RASEF: variants seen among roughly 807,000 people sequenced by gnomAD.
RASEF encodes the protein RAS and EF-hand domain containing.
A neutral mutation model predicts 90.1 loss-of-function variants in RASEF; 68 were observed. That is an observed-to-expected ratio of 0.75 (90% CI 0.62 to 0.92). The LOEUF (loss-of-function observed/expected upper bound fraction) is 0.92, where lower values mean the gene tolerates loss of function less well. Ranked by LOEUF, RASEF falls within the 40% of genes least tolerant of loss-of-function variation. The probability of loss-of-function intolerance (pLI) is 0.00; values close to 1 mark genes in which losing one functional copy is unlikely to be tolerated. For missense variants in RASEF, 949 were observed against 937.2 expected, an observed-to-expected ratio of 1.01 and a Z score of -0.16; for synonymous variants, 331 against 345.2, an observed-to-expected ratio of 0.96 and a Z score of 0.46.
Position 82,982,443 on chromosome 9 carries a change from G to T in RASEF, c.*234C>A. 2.9e-6 allele frequency: 1 copy of T among 340,620 alleles called. No homozygotes were observed. The highest frequency in any genetic ancestry group is 4.9e-5 in the East Asian group (1 of 20,242). The allele number at this position is 340,620 out of a possible 1,614,324, so 21.1% of individuals were successfully genotyped here. On this transcript the variant is annotated 3_prime_UTR_variant, in exon 17 of 17. Transcript: ENST00000376447. Reference sequence around the variant, plus strand: ...AAAACATTTACATGTTATCTTTTAAGACCTGTAAGGACATGACTAGTCTAT... The same window carrying T: ...AAAACATTTACATGTTATCTTTTAATACCTGTAAGGACATGACTAGTCTAT...
the RASEF span, among the ~76,000 whole-genome samples, chr9:83,072,499 T>C: frequency 6.6e-6 from 1 of 152,156 alleles, no homozygotes. Context: ...CAATAGGCCA[T>C]CTGCAAGCTG....
At chr9:83,049,529 CTTTTTTTT>C (rs10687615) in intron 1 of RASEF, among the ~76,000 whole-genome samples, 5 of 99,084 alleles carry the variant, frequency 5.0e-5, no homozygotes, top group Non-Finnish European at 7.4e-5. Context: ...TTCTGCCTTC[CTTTTTTTT>C]TTTTTTTTTT....
chr9:83,180,483 C>CTTTTTTTTTTT, the RASEF span, among the ~76,000 whole-genome samples: 1 of 146,888 alleles, frequency 6.8e-6, no homozygotes, highest in Non-Finnish European at 1.5e-5. Flanking sequence ...GTAAACATTA[C>CTTTTTTTTTTT]TTTTTTTTTT....
intron 3 of RASEF, among the ~76,000 whole-genome samples, chr9:83,017,868 C>T (rs1411862980): frequency 6.6e-6 from 1 of 152,122 alleles, no homozygotes; most frequent in African/African-American, 2.4e-5. Flanking sequence ...GGGCCTAGCT[C>T]AAGTGCAAGT....
At chr9:83,204,780 G>A in the RASEF span, among the ~76,000 whole-genome samples, 1 of 152,150 alleles carries the variant, frequency 6.6e-6, no homozygotes, top group Admixed American at 6.6e-5. Context: ...ACATGGGACT[G>A]TTTTACAAAA....
At position 82,991,784 on chromosome 9, in the gene RASEF, G is replaced by A. The variant is rs368001503; in HGVS notation, c.2040+1122C>T. Among the ~76,000 whole-genome samples, 12 of 152,326 alleles carry A rather than the reference G, an allele frequency of 7.9e-5. No homozygotes were observed. In the South Asian group the frequency reaches 1.5e-3, roughly 18 times the overall value. On this transcript the variant is annotated intron_variant, in intron 15 of 16. Coordinates refer to ENST00000376447, the MANE Select transcript of RASEF (RefSeq NM_152573.4). ...TAAGGAAGCAAACTTTGGGAACTCT[G>A]CGAAATCATGGAGAGGGAATAAAGC...
the RASEF span, among the ~76,000 whole-genome samples, chr9:83,122,071 A>T: frequency 6.6e-6 from 1 of 152,282 alleles, no homozygotes; most frequent in Admixed American, 6.5e-5. Context: ...TTAAAAACTT[A>T]TTATCAATTA....
At chr9:83,216,759 G>C in the RASEF span, among the ~76,000 whole-genome samples, 4 of 152,130 alleles carry the variant, frequency 2.6e-5, no homozygotes, top group Non-Finnish European at 5.9e-5. Flanking sequence ...TTAATTTCTA[G>C]ATACAATGGG....
the RASEF span, among the ~76,000 whole-genome samples, chr9:83,104,307 A>G: frequency 6.6e-6 from 1 of 152,186 alleles, no homozygotes; most frequent in African/African-American, 2.4e-5. Flanking sequence ...AACAAATAAG[A>G]ATCCTTAAAA....
chr9:83,004,521 G>C lies in RASEF; in HGVS notation c.1179C>G (p.Ser393=), dbSNP rs777055994. ...ACCTGTCATAGCCTAGAGGTTGAGG[G>C]GAATGACCAATGAATTTGGGACTGC... is the stretch of plus-strand genomic sequence containing the variant. ...SRSSPKFIGH[S]PQPLGYDRSS... The change falls in exon 9 of 17, where the codon TCC becomes TCG. Residue 393 remains serine, a synonymous_variant. Transcript: ENST00000376447. The C allele has an allele frequency of 6.2e-7, 1 of 1,602,114 alleles. No homozygotes were observed. The highest frequency in any genetic ancestry group is 8.6e-7 in the Non-Finnish European group (1 of 1,169,306).
intron 16 of RASEF, 23 bp from the exon 17 acceptor site, chr9:82,982,805 C>CAGAGAG (rs60689330): frequency 1.4e-4 from 128 of 917,142 alleles, no homozygotes; most frequent in African/African-American, 6.3e-4. Flanking sequence ...TAGAGAGAGA[C>CAGAGAG]AGAGAGAGAG....
chr9:83,166,555 A>G, the RASEF span, among the ~76,000 whole-genome samples: 1 of 152,182 alleles, frequency 6.6e-6, no homozygotes, highest in South Asian at 2.1e-4. Flanking sequence ...CGTAGAACCC[A>G]GACAGCCGGG....
the RASEF span, among the ~76,000 whole-genome samples, chr9:83,134,986 A>C: frequency 7.2e-5 from 11 of 152,136 alleles, no homozygotes; most frequent in Admixed American, 5.2e-4. Flanking sequence ...GAAGACAGAC[A>C]CAGAAGGCCA....
At chr9:83,089,296 A>C in the RASEF span, among the ~76,000 whole-genome samples, 4 of 152,226 alleles carry the variant, frequency 2.6e-5, no homozygotes, top group African/African-American at 9.6e-5. Flanking sequence ...TTTTAAAAAT[A>C]AGATAGAAAT....
Position 83,000,325 on chromosome 9 carries a change from A to G in RASEF, c.1576-9T>C, listed in dbSNP as rs961271838. On this transcript the variant is annotated splice_polypyrimidine_tract_variant and intron_variant, in intron 11 of 16. Transcript: ENST00000376447. ...TCATCTACCAGGTCTGTCTGGGGGGAAAAGCCACAGTGAATGATAACGGTA... is the reference window on the plus strand; with the variant it reads ...TCATCTACCAGGTCTGTCTGGGGGGGAAAGCCACAGTGAATGATAACGGTA... The G allele has an allele frequency of 6.2e-7, 1 of 1,611,680 alleles. No individual in the cohort carries two copies. Among genetic ancestry groups the G allele is most frequent in the Non-Finnish European group, 8.5e-7 (1 of 1,178,986 alleles).
At chr9:83,084,050 T>C in the RASEF span, among the ~76,000 whole-genome samples, 2 of 152,082 alleles carry the variant, frequency 1.3e-5, no homozygotes. Flanking sequence ...TACGCAAGCA[T>C]CAATATATTT....
chr9:83,175,867 C>G, the RASEF span, among the ~76,000 whole-genome samples: 2 of 152,208 alleles, frequency 1.3e-5, no homozygotes, highest in African/African-American at 4.8e-5. Flanking sequence ...GCGTGAGCCA[C>G]CACACCCGGC....
At chr9:83,015,977 A>G (rs1829336549) in intron 3 of RASEF, 77 bp from the exon 4 acceptor site, 1 of 1,066,478 alleles carries the variant, frequency 9.4e-7, no homozygotes, top group Non-Finnish European at 1.4e-6. Context: ...GGTGAGAAAC[A>G]TTTTGTGTCA....
Position 82,981,555 on chromosome 9 carries a change from A to G in RASEF, c.*1122T>C, listed in dbSNP as rs925273565. The G allele has an allele frequency of 1.3e-5, 2 of 152,226 alleles. No homozygotes were observed. Among genetic ancestry groups the G allele is most frequent in the Non-Finnish European group, 2.9e-5 (2 of 68,038 alleles). The allele number at this position is 152,226 out of a possible 1,614,324, so 9.4% of individuals were successfully genotyped here. On this transcript the variant is annotated 3_prime_UTR_variant, in exon 17 of 17. Transcript: ENST00000376447. The stretch of plus-strand genomic sequence containing the variant: ...GTTTGAAATCAGCAGGGATACGAAA[A>G]TGAAAATTTTGCAAAATGTTACATC...
Sources: gnomAD v4.1 joint callset for allele counts (sites outside exome capture counted in the v4.1 genomes callset) on GRCh38, gnomAD v4.1.1 for gene constraint, MANE v1.5 for transcripts, NCBI Gene and HGNC (gene_info 2026-07-23, HGNC 2026-07-21) for gene names.